Variants in FYN observed in about 807,000 individuals in gnomAD.
The protein encoded by FYN is FYN proto-oncogene, Src family tyrosine kinase.
A neutral mutation model predicts 70.2 loss-of-function variants in FYN; 10 were observed. The observed-to-expected ratio is 0.14, with a 90% confidence interval of 0.09 to 0.24. The LOEUF is 0.24. FYN is among the 10% of genes least tolerant of loss of function. FYN has a pLI of 1.00. For synonymous variants in FYN, 236 were observed against 248.6 expected (o/e 0.95, Z 0.48); for missense variants, 319 against 673.1 (o/e 0.47, Z 5.82).
At position 111,750,397 on chromosome 6, in the gene FYN, C is replaced by T. The variant is rs549326940; in HGVS notation, c.-12+30169G>A. Reference sequence around the variant, plus strand: ...GATGCCTCGCTTCCCCTTTGCCTTCCGCCATGATTGGAAGCTTCCGGAGGC... The same window carrying T: ...GATGCCTCGCTTCCCCTTTGCCTTCTGCCATGATTGGAAGCTTCCGGAGGC... On this transcript the variant is annotated intron_variant, in intron 3 of 13. Transcript: ENST00000354650. Among the ~76,000 whole-genome samples, 176 of 152,272 alleles carry T rather than the reference C, an allele frequency of 1.2e-3. 1 individual carries two copies. Among genetic ancestry groups the T allele is most frequent in the Admixed American group, 0.011 (169 of 15,296 alleles).
chr6:111,752,030 C>A (rs1040031761), intron 3 of FYN, among the ~76,000 whole-genome samples: 2 of 152,114 alleles, frequency 1.3e-5, no homozygotes, highest in African/African-American at 4.8e-5. Flanking sequence ...ATAATATAAA[C>A]AAATATAAGA....
chr6:111,711,054 C>T (rs1800354827), intron 5 of FYN, among the ~76,000 whole-genome samples: 1 of 152,170 alleles, frequency 6.6e-6, no homozygotes, highest in African/African-American at 2.4e-5. Context: ...GCCCCCACCA[C>T]ACCCCACACC....
At chr6:111,827,237 A>G (rs1356078210) in intron 2 of FYN, among the ~76,000 whole-genome samples, 1 of 152,242 alleles carries the variant, frequency 6.6e-6, no homozygotes. Flanking sequence ...AGAGCTTATG[A>G]AATTCTCATC....
intron 2 of FYN, among the ~76,000 whole-genome samples, chr6:111,826,642 C>T (rs542459413): frequency 1.7e-4 from 26 of 152,294 alleles, no homozygotes; most frequent in African/African-American, 6.3e-4. Context: ...AAATTGCACT[C>T]TTGCTTGCAT....
intron 5 of FYN, 79 bp downstream of exon 5, chr6:111,714,268 G>C: frequency 1.2e-6 from 1 of 867,020 alleles, no homozygotes. Context: ...TCAGACATCT[G>C]AAGAGATGCA....
At chr6:111,846,856 G>A (rs927185546) in intron 1 of FYN, among the ~76,000 whole-genome samples, 1 of 152,292 alleles carries the variant, frequency 6.6e-6, no homozygotes, top group South Asian at 2.1e-4. Context: ...GCCAGCATGA[G>A]ATTTTAACTT....
chr6:111,702,502 T>C (rs967154621), intron 8 of FYN: 1 of 164,906 alleles, frequency 6.1e-6, no homozygotes. Context: ...AAAGTGATAG[T>C]GGAAACACAA....
chr6:111,720,177 TA>T (rs1299555407), intron 3 of FYN, 115 bp from the exon 4 acceptor site: 6 of 1,230,944 alleles, frequency 4.9e-6, no homozygotes, highest in Admixed American at 2.8e-5. Flanking sequence ...TCAGGCCTAT[TA>T]GGGGGCATGA....
intron 2 of FYN, among the ~76,000 whole-genome samples, chr6:111,797,267 T>C (rs1362942373): frequency 2.0e-5 from 3 of 152,084 alleles, no homozygotes; most frequent in Admixed American, 2.0e-4. Context: ...GTAACAAAAA[T>C]GTGAGGACAA....
chr6:111,774,156 A>C (rs1481697294), intron 3 of FYN, among the ~76,000 whole-genome samples: 2 of 152,184 alleles, frequency 1.3e-5, no homozygotes, highest in Non-Finnish European at 2.9e-5. Flanking sequence ...TAGCCAGGCC[A>C]CTGGGGTTTT....
chr6:111,682,821 C>T (rs1191814905), intron 12 of FYN, among the ~76,000 whole-genome samples: 1 of 152,164 alleles, frequency 6.6e-6, no homozygotes, highest in African/African-American at 2.4e-5. Context: ...TGATAACCTC[C>T]TAAGGTTGTG....
At chr6:111,832,530 T>C (rs555092452) in intron 2 of FYN, among the ~76,000 whole-genome samples, 6 of 152,312 alleles carry the variant, frequency 3.9e-5, no homozygotes, top group African/African-American at 1.4e-4. Context: ...ACATTCCGCA[T>C]GTGATTTGGT....
At chr6:111,734,226 C>T (rs551884906) in intron 3 of FYN, among the ~76,000 whole-genome samples, 1 of 152,314 alleles carries the variant, frequency 6.6e-6, no homozygotes, top group South Asian at 2.1e-4. Context: ...CACAGACAGA[C>T]AGGCAGCTCT....
intron 3 of FYN, among the ~76,000 whole-genome samples, chr6:111,745,862 C>A (rs1420218846): frequency 3.3e-5 from 5 of 152,176 alleles, no homozygotes; most frequent in Non-Finnish European, 7.3e-5. Flanking sequence ...TACACTTATA[C>A]CTTCCAAAAA....
At chr6:111,829,491 G>A (rs558336952) in intron 2 of FYN, among the ~76,000 whole-genome samples, 2 of 152,306 alleles carry the variant, frequency 1.3e-5, no homozygotes, top group African/African-American at 4.8e-5. Context: ...AGAGAGCCCA[G>A]GTCTCTCACA....
intron 1 of FYN, among the ~76,000 whole-genome samples, chr6:111,871,984 C>T (rs936087659): frequency 3.3e-5 from 5 of 152,104 alleles, no homozygotes; most frequent in African/African-American, 1.2e-4. Flanking sequence ...AAGGGAAGCC[C>T]CAGGGAAGAG....
At chr6:111,829,494 C>G (rs1772946049) in intron 2 of FYN, among the ~76,000 whole-genome samples, 1 of 152,188 alleles carries the variant, frequency 6.6e-6, no homozygotes, top group Admixed American at 6.5e-5. Flanking sequence ...GAGCCCAGGT[C>G]TCTCACATCA....
chr6:111,663,000 T>C (rs1364955655), intron 13 of FYN, among the ~76,000 whole-genome samples: 1 of 152,238 alleles, frequency 6.6e-6, no homozygotes, highest in Non-Finnish European at 1.5e-5. Context: ...TCCTGCACAC[T>C]GGCTGCCTTA....
At chr6:111,720,568 G>GT (rs918763383) in intron 3 of FYN, among the ~76,000 whole-genome samples, 3 of 152,102 alleles carry the variant, frequency 2.0e-5, no homozygotes, top group African/African-American at 7.2e-5. Context: ...TCACTCATGG[G>GT]TACCACATCT....
Sources: gnomAD v4.1 joint callset for allele counts (sites outside exome capture counted in the v4.1 genomes callset) on GRCh38, gnomAD v4.1.1 for gene constraint, MANE v1.5 for transcripts, NCBI Gene and HGNC (gene_info 2026-07-23, HGNC 2026-07-21) for gene names.